The following OPRL1 variants were observed in gnomAD, a reference collection of about 807,000 sequenced individuals.
OPRL1 encodes the protein nociceptin receptor.
A neutral mutation model predicts 15.5 loss-of-function variants in OPRL1; 5 were observed. The observed-to-expected ratio is 0.32, with a 90% confidence interval of 0.17 to 0.68. The LOEUF is 0.68. OPRL1 is among the 30% of genes least tolerant of loss of function. OPRL1 has a pLI of 0.72. For synonymous variants in OPRL1, 223 were observed against 230.2 expected (o/e 0.97, Z 0.28); for missense variants, 406 against 515.3 (o/e 0.79, Z 2.05).
At position 64,083,008 on chromosome 20, in the gene OPRL1, C is replaced by T. The variant is rs993236353; in HGVS notation, c.-185+2656C>T. Among the ~76,000 whole-genome samples, 6 of 152,064 alleles carry T rather than the reference C, an allele frequency of 3.9e-5. No individual in the cohort carries two copies. Among genetic ancestry groups the T allele is most frequent in the African/African-American group, 1.5e-4 (6 of 41,372 alleles). On this transcript the variant is annotated intron_variant, in intron 1 of 4. Transcript: ENST00000336866. This position sits in a 1 kb window ranked among gnomAD's most constrained non-coding sequence, Gnocchi z 4.9. ...GCCAGCTTAGGTCACTTCCGCTGCC[C>T]ACAGCACTGCCCTCTCCCTGGCCCC...
chr20:64,091,892 C>A, intron 1 of OPRL1, 74 bp from the exon 2 acceptor site: 1 of 152,626 alleles, frequency 6.6e-6, no homozygotes, highest in Non-Finnish European at 1.5e-5. Context: ...CCCACCTTCC[C>A]GCAGCCCCCA....
rs561152796 is a variant in OPRL1, at chr20:64,098,259, C to T, written c.590-17C>T. The T allele has an allele frequency of 4.9e-5, 79 of 1,607,576 alleles. No homozygotes were observed. The Middle Eastern group carries it at 6.6e-4, about 14-fold the overall frequency. Reference sequence around the variant, plus strand: ...ACGTCTCCTGGGCCCACTCTGACCCCGTTTCTCTCCCTGCAGAGATCGAGT... The same window carrying T: ...ACGTCTCCTGGGCCCACTCTGACCCTGTTTCTCTCCCTGCAGAGATCGAGT... On this transcript the variant is annotated splice_polypyrimidine_tract_variant and intron_variant, in intron 4 of 4. Transcript: ENST00000336866.
At chr20:64,093,003 A>T (rs918758456) in intron 3 of OPRL1, 50 bp downstream of exon 3, 1 of 1,517,146 alleles carries the variant, frequency 6.6e-7, no homozygotes, top group African/African-American at 1.4e-5. Context: ...ACGGCTGCAG[A>T]GGGGGAAACT....
chr20:64,088,746 G>T lies in OPRL1; in HGVS notation c.-184-3220G>T, dbSNP rs1476844078. 8.7e-5 allele frequency among the ~76,000 whole-genome samples: 3 copies of T among 34,322 alleles called. 1 individual carries two copies. The highest frequency in any genetic ancestry group is 3.4e-4 in the African/African-American group (3 of 8,838). 22.5% of individuals were successfully genotyped at this position (34,322 alleles called of 152,430 possible). On this transcript the variant is annotated intron_variant, in intron 1 of 4. Coordinates refer to ENST00000336866, the MANE Select transcript of OPRL1 (RefSeq NM_182647.4). ...AGGATCTGTGCAAGGGGTAGGATCT[G>T]TGCAGAGTGGCCAGGATCTGTGCAG...
rs576005475 is a variant in OPRL1, at chr20:64,098,120, C to G, written c.552C>G (p.Pro184=). 1.2e-6 allele frequency: 2 copies of G among 1,613,102 alleles called. No homozygotes were observed. Among genetic ancestry groups the G allele is most frequent in the Non-Finnish European group, 1.7e-6 (2 of 1,180,018 alleles). ...IWALASVVGV[P]VAIMGSAQVE... Reference sequence around the variant, plus strand: ...CCCTGGCCTCTGTTGTCGGTGTTCCCGTTGCCATCATGGGCTCGGCACAGG... The same window carrying G: ...CCCTGGCCTCTGTTGTCGGTGTTCCGGTTGCCATCATGGGCTCGGCACAGG... Residue 184 remains proline, a synonymous_variant, in exon 4 of 5, where the codon CCC becomes CCG. Transcript: ENST00000336866.
At chr20:64,096,898 A>G (rs1233785782) in intron 3 of OPRL1, among the ~76,000 whole-genome samples, 1 of 150,458 alleles carries the variant, frequency 6.6e-6, no homozygotes, top group East Asian at 2.0e-4. Context: ...CATCATCACG[A>G]CCATCACCAC....
intron 1 of OPRL1, among the ~76,000 whole-genome samples, chr20:64,088,634 A>G (rs879038228): frequency 2.8e-4 from 32 of 115,680 alleles, no homozygotes; most frequent in East Asian, 1.0e-3. Context: ...ATCTGTGCAG[A>G]GTGGCCAGGA....
In OPRL1 at chr20:64,083,823, T is replaced by A. The variant is rs780743488; in HGVS notation, c.-185+3471T>A. ...CTCCGACCCCCTCGCCTCACCCGCATGCGGGTGTAGCGCAGCCGCAGGGCG... is the reference window on the plus strand; with the variant it reads ...CTCCGACCCCCTCGCCTCACCCGCAAGCGGGTGTAGCGCAGCCGCAGGGCG... On this transcript the variant is annotated intron_variant, in intron 1 of 4. Coordinates refer to ENST00000336866, the MANE Select transcript of OPRL1 (RefSeq NM_182647.4). The surrounding 1 kb of genome is among the most constrained non-coding windows in gnomAD (Gnocchi z 4.9). 7.3e-7 allele frequency: 1 copy of A among 1,363,244 alleles called. No homozygotes were observed. Among genetic ancestry groups the A allele is most frequent in the Admixed American group, 3.9e-5 (1 of 25,624 alleles). The allele number at this position is 1,363,244 out of a possible 1,614,324, so 84.4% of individuals were successfully genotyped here.
At chr20:64,082,838 T>G (rs1234460162) in intron 1 of OPRL1, among the ~76,000 whole-genome samples, 71 of 114,538 alleles carry the variant, frequency 6.2e-4, no homozygotes, top group South Asian at 1.2e-3. Context: ...GGTGTGGGGG[T>G]GTGGCATGGG....
At chr20:64,084,176 T>C in intron 1 of OPRL1, 1 of 1,450,152 alleles carries the variant, frequency 6.9e-7, no homozygotes, top group Non-Finnish European at 9.0e-7. Context: ...CCCGCTTCGC[T>C]CCCGCGGGCC....
rs2059989357 is a variant in OPRL1 at position 64,083,329 on chromosome 20, G to A, written c.-185+2977G>A. 2.0e-6 allele frequency: 3 copies of A among 1,523,808 alleles called. No homozygotes were observed. The highest frequency in any genetic ancestry group is 1.2e-5 in the South Asian group (1 of 85,798). The allele number at this position is 1,523,808 out of a possible 1,614,324, so 94.4% of individuals were successfully genotyped here. ...GGGAGAGGCAGCGTCCATACTCCCC[G>A]CTTCCCTCGGGGTCCTGGGGAGTGG... On this transcript the variant is annotated intron_variant, in intron 1 of 4. Coordinates refer to ENST00000336866, the MANE Select transcript of OPRL1 (RefSeq NM_182647.4). This position sits in a 1 kb window ranked among gnomAD's most constrained non-coding sequence, Gnocchi z 4.9.
intron 1 of OPRL1, among the ~76,000 whole-genome samples, chr20:64,082,920 C>G (rs1486917123): frequency 6.6e-6 from 1 of 151,982 alleles, no homozygotes; most frequent in East Asian, 1.9e-4. Context: ...TGTCTGGGGG[C>G]CGCAGGGGTT....
At position 64,098,750 on chromosome 20, in the gene OPRL1, A is replaced by T. The variant is rs902625054; in HGVS notation, c.1064A>T (p.Asp355Val). Residue 355 changes from aspartate (D) to valine (V), a missense_variant, in exon 5 of 5, where the codon GAC becomes GTC. Asp to Val is a radical substitution (Grantham distance 152, BLOSUM62 -3). Transcript: ENST00000336866. ...VSDRVRSIAK[D>V]VALACKTSET... ...GACCGCGTGCGCAGCATTGCCAAGG[A>T]CGTGGCCCTGGCCTGCAAGACCTCT... 1.8e-5 allele frequency: 29 copies of T among 1,608,934 alleles called. No individual in the cohort carries two copies. Among genetic ancestry groups the T allele is most frequent in the Non-Finnish European group, 2.4e-5 (28 of 1,179,870 alleles).
At chr20:64,084,304 C>A (rs2060017369) in intron 1 of OPRL1, 1 of 1,299,532 alleles carries the variant, frequency 7.7e-7, no homozygotes, top group South Asian at 2.2e-5. Flanking sequence ...AGGGCCCCAA[C>A]GTGCGCCCCA....
Position 64,092,692 on chromosome 20 carries a change from C to G in OPRL1, c.-29C>G, listed in dbSNP as rs756805239. On this transcript the variant is annotated 5_prime_UTR_variant, in exon 3 of 5. Coordinates refer to ENST00000336866, the MANE Select transcript of OPRL1 (RefSeq NM_182647.4). ...TGTCTCTGCGCTCTGTCCCAGGTAC[C>G]GTACAGAGTGGATTTGCAGGGCAGT... 1 of 1,591,668 alleles carries G rather than the reference C, an allele frequency of 6.3e-7. No individual in the cohort carries two copies. The highest frequency in any genetic ancestry group is 1.1e-5 in the South Asian group (1 of 89,522).
Position 64,083,328 on chromosome 20 carries a change from C to A in OPRL1, c.-185+2976C>A. The stretch of plus-strand genomic sequence containing the variant: ...TGGGAGAGGCAGCGTCCATACTCCC[C>A]GCTTCCCTCGGGGTCCTGGGGAGTG... On this transcript the variant is annotated intron_variant, in intron 1 of 4. Coordinates refer to ENST00000336866, the MANE Select transcript of OPRL1 (RefSeq NM_182647.4). This position sits in a 1 kb window ranked among gnomAD's most constrained non-coding sequence, Gnocchi z 4.9. The A allele has an allele frequency of 6.5e-7, 1 of 1,534,544 alleles. No homozygotes were observed. Among genetic ancestry groups the A allele is most frequent in the East Asian group, 2.4e-5 (1 of 42,158 alleles).
At position 64,083,428 on chromosome 20, in the gene OPRL1, GTC is replaced by G; in HGVS notation, c.-185+3077_-185+3078del. ...GGCTGGGGCGCGTCGCACACTCTCA[GTC>G]GCCGTCACCGCGGGAAGATGGTGCC... is the stretch of plus-strand genomic sequence containing the variant. On this transcript the variant is annotated intron_variant, in intron 1 of 4. Transcript: ENST00000336866. The surrounding 1 kb of genome is among the most constrained non-coding windows in gnomAD (Gnocchi z 4.9). The G allele has an allele frequency of 6.2e-7, 1 of 1,611,778 alleles. No homozygotes were observed. Among genetic ancestry groups the G allele is most frequent in the Non-Finnish European group, 8.5e-7 (1 of 1,179,584 alleles).
intron 3 of OPRL1, among the ~76,000 whole-genome samples, chr20:64,096,991 A>G (rs199646565): frequency 6.2e-5 from 7 of 113,476 alleles, no homozygotes; most frequent in Non-Finnish European, 9.4e-5. Context: ...CACCATCACC[A>G]CTATCACCAC....
chr20:64,083,387 A>G lies in OPRL1; in HGVS notation c.-185+3035A>G, dbSNP rs753785811. 1.9e-6 allele frequency: 3 copies of G among 1,610,720 alleles called. No individual in the cohort carries two copies. In the African/African-American group the frequency reaches 4.0e-5, roughly 22 times the overall value. On this transcript the variant is annotated intron_variant, in intron 1 of 4. Coordinates refer to ENST00000336866, the MANE Select transcript of OPRL1 (RefSeq NM_182647.4). This position sits in a 1 kb window ranked among gnomAD's most constrained non-coding sequence, Gnocchi z 4.9. ...AAGACCAGCGAGCCTTCGGAGAATT[A>G]TAACTTTATGTGGGAGGCTGGGGCG... is the stretch of plus-strand genomic sequence containing the variant.
Sources: allele counts gnomAD v4.1 joint callset (sites outside exome capture counted in the v4.1 genomes callset), GRCh38; gene constraint gnomAD v4.1.1; non-coding constraint Gnocchi (gnomAD v3.1); transcripts MANE v1.5; gene names NCBI Gene and HGNC (gene_info 2026-07-23, HGNC 2026-07-21).